DPP6: variants seen among roughly 807,000 people sequenced by gnomAD.
DPP6 encodes the protein dipeptidyl peptidase like 6.
DPP6 carries 69 observed loss-of-function variants against 122.6 expected under a neutral mutation model. The observed-to-expected ratio is 0.56, with a 90% confidence interval of 0.46 to 0.69. DPP6 has a LOEUF of 0.69. Ranked by LOEUF, DPP6 falls within the 30% of genes least tolerant of loss-of-function variation. The probability of loss-of-function intolerance (pLI) is 0.00; values close to 1 mark genes in which losing one functional copy is unlikely to be tolerated. For synonymous variants in DPP6, 418 were observed against 433.1 expected, an observed-to-expected ratio of 0.97 and a Z score of 0.43; for missense variants, 928 against 1,116.9, an observed-to-expected ratio of 0.83 and a Z score of 2.41.
At chr7:154,104,822 A>G (rs913441213) in intron 1 of DPP6, among the ~76,000 whole-genome samples, 1 of 152,110 alleles carries the variant, frequency 6.6e-6, no homozygotes, top group African/African-American at 2.4e-5. Context: ...ACAAACACTC[A>G]GTGTAAGATC....
intron 5 of DPP6, among the ~76,000 whole-genome samples, chr7:154,594,842 T>C (rs1832997688): frequency 6.6e-6 from 1 of 152,168 alleles, no homozygotes; most frequent in African/African-American, 2.4e-5. Context: ...AGATCCTGCC[T>C]GGATGTCAGG....
intron 1 of DPP6, among the ~76,000 whole-genome samples, chr7:154,330,354 G>C (rs1201295895): frequency 6.6e-6 from 1 of 152,214 alleles, no homozygotes; most frequent in African/African-American, 2.4e-5. Flanking sequence ...GACAAGTCAT[G>C]ATCTCTGAGG....
Position 154,760,466 on chromosome 7 carries a change from C to G in DPP6, c.884-8951C>G, listed in dbSNP as rs28620530. Among the ~76,000 whole-genome samples, 5,261 of 152,118 alleles carry G rather than the reference C, an allele frequency of 0.035. 228 individuals are homozygous for G. Among genetic ancestry groups the G allele is most frequent in the African/African-American group, 0.092 (3,810 of 41,492 alleles). ...TTCTCTTATCTCGGGGCGGAGGGAG[C>G]GTCAGTGTTTCAGCAGGTTGTTTCT... On this transcript the variant is annotated intron_variant, in intron 8 of 25. Transcript: ENST00000377770. This position sits in a 1 kb window ranked among gnomAD's most constrained non-coding sequence, Gnocchi z 4.5.
At chr7:153,872,524 T>TTA in the DPP6 span, among the ~76,000 whole-genome samples, 1 of 152,292 alleles carries the variant, frequency 6.6e-6, no homozygotes, top group South Asian at 2.1e-4. Context: ...GTTTTCACAT[T>TTA]TATATATATT....
intron 3 of DPP6, among the ~76,000 whole-genome samples, chr7:154,528,802 GC>G (rs1827619013): frequency 6.6e-6 from 1 of 152,204 alleles, no homozygotes; most frequent in South Asian, 2.1e-4. Flanking sequence ...AAGGGAGTTG[GC>G]CTTTATGCAG....
At chr7:154,441,919 G>GT (rs1819410071) in intron 1 of DPP6, among the ~76,000 whole-genome samples, 2 of 152,198 alleles carry the variant, frequency 1.3e-5, no homozygotes, top group African/African-American at 4.8e-5. Flanking sequence ...GTATAGCTTG[G>GT]TTTTAGTTCG....
Position 154,887,689 on chromosome 7 carries a change from C to T in DPP6, c.2259C>T (p.Ser753=), listed in dbSNP as rs768370780. ...GCTTCCGTGCAGCCTCTGCGTTTTCCGAGAGGTACTTGGGCCTCCATGGAC... is the reference window on the plus strand; with the variant it reads ...GCTTCCGTGCAGCCTCTGCGTTTTCTGAGAGGTACTTGGGCCTCCATGGAC... ...TDFKLYASAF[S]ERYLGLHGLD... The change falls in exon 23 of 26, where the codon TCC becomes TCT. Residue 753 remains serine, a synonymous_variant. Coordinates refer to ENST00000377770, the MANE Select transcript of DPP6 (RefSeq NM_130797.4). 1.2e-5 allele frequency: 20 copies of T among 1,613,808 alleles called. No homozygotes were observed. Among genetic ancestry groups the T allele is most frequent in the East Asian group, 2.2e-5 (1 of 44,884 alleles).
chr7:154,623,537 AAC>A (rs563902240), intron 5 of DPP6, among the ~76,000 whole-genome samples: 6 of 152,066 alleles, frequency 3.9e-5, no homozygotes, highest in African/African-American at 9.6e-5. Context: ...GGATTTTACA[AAC>A]ACACACACAC....
chr7:154,586,887 G>T (rs981437139), intron 5 of DPP6, among the ~76,000 whole-genome samples: 5 of 152,202 alleles, frequency 3.3e-5, no homozygotes, highest in African/African-American at 1.2e-4. Flanking sequence ...CCTCATCAAG[G>T]AGCTGTGAGC....
At chr7:154,491,764 GC>G (rs1379439959) in intron 3 of DPP6, among the ~76,000 whole-genome samples, 1 of 152,172 alleles carries the variant, frequency 6.6e-6, no homozygotes, top group East Asian at 1.9e-4. Context: ...CTGTGATCAT[GC>G]CCCCAGCATA....
intron 1 of DPP6, among the ~76,000 whole-genome samples, chr7:154,393,035 T>A (rs990390875): frequency 3.9e-5 from 6 of 152,384 alleles, no homozygotes; most frequent in South Asian, 2.1e-4. Flanking sequence ...ACTGGCTTGA[T>A]GCTTTTAATT....
intron 21 of DPP6, among the ~76,000 whole-genome samples, chr7:154,881,265 A>G (rs3817515): frequency 0.37 from 55,877 of 151,810 alleles, 10,848 homozygotes; most frequent in East Asian, 0.55. Context: ...GGAAAGAAGC[A>G]AAGCAGGAAT....
At chr7:153,831,920 A>G in the DPP6 span, among the ~76,000 whole-genome samples, 77 of 152,328 alleles carry the variant, frequency 5.1e-4, 2 homozygotes, top group South Asian at 0.016. Context: ...AGGGAATTTA[A>G]GCAGAGGAGA....
At chr7:154,288,543 C>T (rs187772496) in intron 1 of DPP6, among the ~76,000 whole-genome samples, 11 of 152,296 alleles carry the variant, frequency 7.2e-5, no homozygotes, top group Admixed American at 2.0e-4. Flanking sequence ...CGATTTATGC[C>T]TTACCCACTT....
chr7:154,717,964 T>G (rs930072161), intron 7 of DPP6, among the ~76,000 whole-genome samples: 4 of 152,250 alleles, frequency 2.6e-5, no homozygotes, highest in African/African-American at 9.6e-5. Context: ...TGAGATGGTA[T>G]GTCATTGTTG....
chr7:153,802,978 A>C, the DPP6 span, among the ~76,000 whole-genome samples: 2 of 151,608 alleles, frequency 1.3e-5, no homozygotes, highest in African/African-American at 4.9e-5. Context: ...CCCGGCAGGC[A>C]GGCAGGGTGG....
the DPP6 span, among the ~76,000 whole-genome samples, chr7:153,793,224 G>T: frequency 6.6e-6 from 1 of 151,958 alleles, no homozygotes; most frequent in Non-Finnish European, 1.5e-5. Context: ...GGGAAAGTTT[G>T]CAGCTTCCTA....
At chr7:154,860,301 C>T (rs1215834195) in intron 17 of DPP6, among the ~76,000 whole-genome samples, 1 of 152,200 alleles carries the variant, frequency 6.6e-6, no homozygotes, top group African/African-American at 2.4e-5. Context: ...AGGAGCATGG[C>T]ATTCCAGAGG....
At chr7:154,512,209 C>T (rs1826142929) in intron 3 of DPP6, among the ~76,000 whole-genome samples, 1 of 152,096 alleles carries the variant, frequency 6.6e-6, no homozygotes. Context: ...AGCTTTAAAC[C>T]TCTTAAACAG....
Sources: gnomAD v4.1 joint callset for allele counts (sites outside exome capture counted in the v4.1 genomes callset) on GRCh38, gnomAD v4.1.1 for gene constraint, Gnocchi (gnomAD v3.1) non-coding constraint, MANE v1.5 for transcripts, NCBI Gene and HGNC (gene_info 2026-07-23, HGNC 2026-07-21) for gene names.